The following PRKCZ variants were observed in gnomAD, a reference collection of about 807,000 sequenced individuals.
The protein encoded by PRKCZ is protein kinase C zeta.
Under a neutral mutation model 79.5 loss-of-function variants are expected in PRKCZ, and 33 were observed. The observed-to-expected ratio is 0.41, with a 90% CI of 0.31 to 0.55. The LOEUF (loss-of-function observed/expected upper bound fraction) is 0.55. Among genes scored for constraint, PRKCZ ranks in the 20% least tolerant of loss-of-function variants. The probability of loss-of-function intolerance (pLI) is 0.19; values close to 1 mark genes in which losing one functional copy is unlikely to be tolerated. For missense variants in PRKCZ, 578 were observed against 813.5 expected, an observed-to-expected ratio of 0.71 and a Z score of 3.52; for synonymous variants, 342 against 320.9, an observed-to-expected ratio of 1.07 and a Z score of -0.70.
chr1:2,103,787 G>T (rs1667894211), intron 4 of PRKCZ, among the ~76,000 whole-genome samples: 1 of 152,236 alleles, frequency 6.6e-6, no homozygotes, highest in Non-Finnish European at 1.5e-5. Flanking sequence ...GGGCCTCTGG[G>T]GCGGCGGGTG....
In PRKCZ at chr1:2,150,775, G is replaced by A. The variant is rs994464134; in HGVS notation, c.688-15G>A. 6.2e-7 allele frequency: 1 copy of A among 1,607,862 alleles called. No homozygotes were observed. The highest frequency in any genetic ancestry group is 1.3e-5 in the African/African-American group (1 of 74,660). On this transcript the variant is annotated splice_polypyrimidine_tract_variant and intron_variant, in intron 8 of 17. Transcript: ENST00000378567. ...CCCCCCTCTCACTTTCTGGGGTCTTGTTCTCCCTCCCTAGGACCTTAAGCC... is the reference window on the plus strand; with the variant it reads ...CCCCCCTCTCACTTTCTGGGGTCTTATTCTCCCTCCCTAGGACCTTAAGCC...
intron 5 of PRKCZ, 128 bp from the exon 6 acceptor site, chr1:2,144,082 G>A (rs1677970129): frequency 2.9e-6 from 4 of 1,356,078 alleles, no homozygotes; most frequent in Non-Finnish European, 3.0e-6. Context: ...AAGGGACAAG[G>A]TGCCGGGGCC....
At chr1:2,089,657 G>C (rs1005558812) in intron 4 of PRKCZ, among the ~76,000 whole-genome samples, 1 of 152,078 alleles carries the variant, frequency 6.6e-6, no homozygotes, top group Non-Finnish European at 1.5e-5. Context: ...CCTCTCAAAG[G>C]CCTCCTGACA....
chr1:2,184,366 G>A (rs1047543065), intron 16 of PRKCZ: 9 of 503,742 alleles, frequency 1.8e-5, no homozygotes, highest in Admixed American at 1.7e-4. Flanking sequence ...CAGCATGGCC[G>A]ACACTGGCAT....
rs1044017673 is a variant in PRKCZ at position 2,125,056 on chromosome 1, G to A, written c.335-10206G>A. Among the ~76,000 whole-genome samples the A allele has an allele frequency of 2.6e-5, 4 of 152,164 alleles. No individual in the cohort carries two copies. Among genetic ancestry groups the A allele is most frequent in the Admixed American group, 6.5e-5 (1 of 15,286 alleles). ...TTGCCAGCCTGGCTCTGTGCCGGGCGCTGGGCAATCTCTGCCTCCAGCCTG... is the reference window on the plus strand; with the variant it reads ...TTGCCAGCCTGGCTCTGTGCCGGGCACTGGGCAATCTCTGCCTCCAGCCTG... On this transcript the variant is annotated intron_variant, in intron 4 of 17. Transcript: ENST00000378567. The surrounding 1 kb of genome is among the most constrained non-coding windows in gnomAD (Gnocchi z 4.2).
chr1:2,126,684 G>T (rs149779224), intron 4 of PRKCZ, among the ~76,000 whole-genome samples: 3,294 of 152,306 alleles, frequency 0.022, 129 homozygotes, highest in African/African-American at 0.073. Context: ...CTGTGGTTGG[G>T]GAATGGCATT....
chr1:2,179,533 G>A (rs530428640), intron 16 of PRKCZ, among the ~76,000 whole-genome samples: 10 of 152,358 alleles, frequency 6.6e-5, no homozygotes, highest in African/African-American at 2.4e-4. Flanking sequence ...TGATGTGAAA[G>A]GTGGTGGTGA....
intron 4 of PRKCZ, among the ~76,000 whole-genome samples, chr1:2,084,555 G>C (rs773714880): frequency 9.2e-5 from 14 of 152,198 alleles, no homozygotes; most frequent in African/African-American, 3.4e-4. Context: ...ACCCGCCTGC[G>C]GTCCTGTGTG....
chr1:2,108,344 C>T (rs1472463168), intron 4 of PRKCZ, among the ~76,000 whole-genome samples: 1 of 152,248 alleles, frequency 6.6e-6, no homozygotes, highest in Non-Finnish European at 1.5e-5. Context: ...GGGCGTGGCC[C>T]CTTGTCCCTG....
rs954080193 is a variant in PRKCZ, at chr1:2,094,482, G to A, written c.334+34891G>A. On this transcript the variant is annotated intron_variant, in intron 4 of 17. Coordinates refer to ENST00000378567, the MANE Select transcript of PRKCZ (RefSeq NM_002744.6). This position sits in a 1 kb window ranked among gnomAD's most constrained non-coding sequence, Gnocchi z 7.3. ...GCTCGTTGAACCTTGGGCGCTGCCC[G>A]TTCTGAGGCGCCCTCTGTGCCCGGC... Among the ~76,000 whole-genome samples, 2 of 144,874 alleles carry A rather than the reference G, an allele frequency of 1.4e-5. No homozygotes were observed. Among genetic ancestry groups the A allele is most frequent in the Admixed American group, 6.8e-5 (1 of 14,748 alleles).
At chr1:2,063,415 C>G (rs528133599) in intron 4 of PRKCZ, among the ~76,000 whole-genome samples, 3 of 152,176 alleles carry the variant, frequency 2.0e-5, no homozygotes, top group South Asian at 2.1e-4. Context: ...TGGGCTCAAG[C>G]GATTCTCCTG....
Position 2,082,100 on chromosome 1 carries a change from G to T in PRKCZ, c.334+22509G>T, listed in dbSNP as rs1224988346. 3.2e-6 allele frequency: 1 copy of T among 308,806 alleles called. No individual in the cohort carries two copies. The highest frequency in any genetic ancestry group is 9.2e-5 in the East Asian group (1 of 10,864). The allele number at this position is 308,806 out of a possible 1,614,324, so 19.1% of individuals were successfully genotyped here. ...GACACCACACAGTCGTGCCAAGAAG[G>T]CGCCTAAGTGTCTTTCCACACGGCC... On this transcript the variant is annotated intron_variant, in intron 4 of 17. Transcript: ENST00000378567. This position sits in a 1 kb window ranked among gnomAD's most constrained non-coding sequence, Gnocchi z 4.4.
intron 4 of PRKCZ, among the ~76,000 whole-genome samples, chr1:2,112,174 C>G (rs184881186): frequency 1.4e-4 from 21 of 152,286 alleles, no homozygotes; most frequent in African/African-American, 5.1e-4. Context: ...GGTGCGGGTT[C>G]CAGGAGTCTG....
intron 4 of PRKCZ, among the ~76,000 whole-genome samples, chr1:2,070,135 T>G (rs1571152044): frequency 6.6e-6 from 1 of 152,090 alleles, no homozygotes; most frequent in Admixed American, 6.5e-5. Context: ...GTCCTCGGGG[T>G]CATCAGAGCC....
Position 2,137,128 on chromosome 1 carries a change from G to A in PRKCZ, c.420+1781G>A, listed in dbSNP as rs116796008. On this transcript the variant is annotated intron_variant, in intron 5 of 17. Transcript: ENST00000378567. ...CTCTGCCAGAGGCTCCAGAGCCCCCGGCAAACCACTAATAAGTCCCGGAGT... is the reference window on the plus strand; with the variant it reads ...CTCTGCCAGAGGCTCCAGAGCCCCCAGCAAACCACTAATAAGTCCCGGAGT... Among the ~76,000 whole-genome samples the A allele has an allele frequency of 6.5e-3, 992 of 152,254 alleles. 5 individuals are homozygous for A. The highest frequency in any genetic ancestry group is 0.022 in the African/African-American group (910 of 41,532).
intron 5 of PRKCZ, among the ~76,000 whole-genome samples, chr1:2,136,239 G>A (rs1676178795): frequency 6.6e-6 from 1 of 152,170 alleles, no homozygotes; most frequent in African/African-American, 2.4e-5. Flanking sequence ...CTGTTCATGT[G>A]AGCCACTCCT....
chr1:2,139,312 G>A (rs1024951426), intron 5 of PRKCZ, among the ~76,000 whole-genome samples: 7 of 152,146 alleles, frequency 4.6e-5, no homozygotes, highest in Middle Eastern at 3.4e-3. Context: ...AAAGCCGGCC[G>A]GGCGTGGTGG....
intron 7 of PRKCZ, among the ~76,000 whole-genome samples, chr1:2,147,492 T>C (rs1384576266): frequency 6.6e-6 from 1 of 150,564 alleles, no homozygotes; most frequent in Admixed American, 6.6e-5. Context: ...ACACATCTGT[T>C]GTCCACTGAC....
chr1:2,071,836 G>A (rs561005386), intron 4 of PRKCZ, among the ~76,000 whole-genome samples: 67 of 152,312 alleles, frequency 4.4e-4, no homozygotes, highest in Non-Finnish European at 8.5e-4. Flanking sequence ...AGGGGTCTGC[G>A]AGCTGCTTCT....
Sources: allele counts gnomAD v4.1 joint callset (sites outside exome capture counted in the v4.1 genomes callset), GRCh38; gene constraint gnomAD v4.1.1; non-coding constraint Gnocchi (gnomAD v3.1); transcripts MANE v1.5; gene names NCBI Gene and HGNC (gene_info 2026-07-23, HGNC 2026-07-21).